RBMS3: variants seen among roughly 807,000 people sequenced by gnomAD.
The protein encoded by RBMS3 is RNA binding motif single stranded interacting protein 3, also known as RNA-binding motif, single-stranded-interacting protein 3.
Under a neutral mutation model 66.8 loss-of-function variants are expected in RBMS3, and 27 were observed. The observed-to-expected ratio is 0.40, with a 90% CI of 0.30 to 0.56. The LOEUF (loss-of-function observed/expected upper bound fraction) is 0.56, where lower values mean the gene tolerates loss of function less well. RBMS3 is among the 20% of genes least tolerant of loss of function. RBMS3 has a pLI of 0.40. For missense variants in RBMS3, 513 were observed against 549.5 expected, an observed-to-expected ratio of 0.93 and a Z score of 0.66; for synonymous variants, 188 against 183.0, an observed-to-expected ratio of 1.03 and a Z score of -0.22.
At chr3:29,371,189 T>A (rs901224502) in intron 1 of RBMS3, among the ~76,000 whole-genome samples, 8 of 152,228 alleles carry the variant, frequency 5.3e-5, no homozygotes, top group African/African-American at 1.9e-4. Context: ...ACCTGTGGTT[T>A]CTGCCACCCA....
intron 4 of RBMS3, 35 bp downstream of exon 4, chr3:29,587,240 TTTTTTTTTTG>T (rs1478879390): frequency 7.1e-6 from 6 of 842,256 alleles, no homozygotes; most frequent in Non-Finnish European, 9.8e-6. Context: ...TTTTTTTTTT[TTTTTTTTTTG>T]TGTGTGTGTG....
At chr3:29,331,751 C>A (rs2035671070) in intron 1 of RBMS3, among the ~76,000 whole-genome samples, 1 of 147,414 alleles carries the variant, frequency 6.8e-6, no homozygotes, top group African/African-American at 2.5e-5. Flanking sequence ...TTCACAGGGG[C>A]TTGTCCATAA....
intron 3 of RBMS3, among the ~76,000 whole-genome samples, chr3:29,558,287 T>C (rs1038989409): frequency 6.6e-6 from 1 of 151,604 alleles, no homozygotes; most frequent in Admixed American, 6.6e-5. Context: ...ACAGAAGTAG[T>C]AATTAAAGAT....
At chr3:29,781,132 C>T (rs1443326664) in intron 6 of RBMS3, among the ~76,000 whole-genome samples, 1 of 135,772 alleles carries the variant, frequency 7.4e-6, no homozygotes, top group Non-Finnish European at 1.6e-5. Flanking sequence ...GAGAATAGTT[C>T]TTAAAATCTC....
chr3:29,959,095 A>G (rs1030303618), intron 12 of RBMS3, among the ~76,000 whole-genome samples: 1 of 152,192 alleles, frequency 6.6e-6, no homozygotes, highest in Non-Finnish European at 1.5e-5. Context: ...AATGAATACA[A>G]GTTTTGAACA....
chr3:29,608,780 C>G (rs576455450), intron 4 of RBMS3, among the ~76,000 whole-genome samples: 2 of 152,092 alleles, frequency 1.3e-5, no homozygotes, highest in Admixed American at 6.6e-5. Context: ...GCAAGAGATC[C>G]AAATAGTCCC....
intron 2 of RBMS3, among the ~76,000 whole-genome samples, chr3:29,439,676 C>T (rs1458901775): frequency 2.0e-5 from 3 of 151,736 alleles, no homozygotes; most frequent in Non-Finnish European, 4.4e-5. Context: ...GTTACACATG[C>T]ATACATGTGC....
At chr3:29,997,704 G>C (rs915924339) in intron 14 of RBMS3, among the ~76,000 whole-genome samples, 2 of 151,848 alleles carry the variant, frequency 1.3e-5, no homozygotes, top group Admixed American at 6.6e-5. Flanking sequence ...AAAAGCCTTT[G>C]ACAAAATTCA....
chr3:29,659,308 C>A (rs2050443455), intron 4 of RBMS3, among the ~76,000 whole-genome samples: 1 of 152,028 alleles, frequency 6.6e-6, no homozygotes, highest in South Asian at 2.1e-4. Flanking sequence ...TGTTGTGCAA[C>A]CATTAACACT....
chr3:29,700,394 T>C (rs1364389570), intron 4 of RBMS3, among the ~76,000 whole-genome samples: 1 of 152,226 alleles, frequency 6.6e-6, no homozygotes, highest in Non-Finnish European at 1.5e-5. Flanking sequence ...AGGCAGGTTG[T>C]AGAACATGAG....
At chr3:29,649,406 T>A (rs1576437321) in intron 4 of RBMS3, among the ~76,000 whole-genome samples, 1 of 152,326 alleles carries the variant, frequency 6.6e-6, no homozygotes, top group East Asian at 1.9e-4. Context: ...CATGACATTT[T>A]AAAAAACTCA....
At chr3:29,497,130 C>A (rs1283210331) in intron 3 of RBMS3, among the ~76,000 whole-genome samples, 1 of 152,008 alleles carries the variant, frequency 6.6e-6, no homozygotes, top group African/African-American at 2.4e-5. Flanking sequence ...CTGCCTTAGC[C>A]TCTCAGGTAG....
At chr3:29,325,908 T>C (rs2035308466) in intron 1 of RBMS3, among the ~76,000 whole-genome samples, 1 of 152,208 alleles carries the variant, frequency 6.6e-6, no homozygotes, top group South Asian at 2.1e-4. Flanking sequence ...ATTCTTCTCC[T>C]GTGCTATAGA....
At chr3:29,710,920 G>A (rs2053135745) in intron 4 of RBMS3, among the ~76,000 whole-genome samples, 1 of 152,090 alleles carries the variant, frequency 6.6e-6, no homozygotes, top group Non-Finnish European at 1.5e-5. Flanking sequence ...CATGCCAAGA[G>A]ACATTAGTTC....
At chr3:29,737,658 G>C (rs568369686) in intron 4 of RBMS3, among the ~76,000 whole-genome samples, 3 of 152,000 alleles carry the variant, frequency 2.0e-5, no homozygotes, top group Non-Finnish European at 4.4e-5. Context: ...CGTAGATAAG[G>C]TTCATTATTA....
intron 6 of RBMS3, among the ~76,000 whole-genome samples, chr3:29,834,671 C>G (rs770868196): frequency 6.6e-6 from 1 of 151,886 alleles, no homozygotes; most frequent in Non-Finnish European, 1.5e-5. Flanking sequence ...AAGCGTACCA[C>G]TATAGAAAAG....
intron 4 of RBMS3, among the ~76,000 whole-genome samples, chr3:29,615,587 A>C (rs2048642739): frequency 6.6e-6 from 1 of 152,182 alleles, no homozygotes; most frequent in South Asian, 2.1e-4. Context: ...CAATAAAAAG[A>C]TGTATTTTAA....
chr3:29,613,493 A>G (rs888930542), intron 4 of RBMS3, among the ~76,000 whole-genome samples: 13 of 152,260 alleles, frequency 8.5e-5, no homozygotes, highest in Non-Finnish European at 8.8e-5. Context: ...AGCCTGGCTC[A>G]GTTGAAACAC....
chr3:29,712,275 A>C (rs2053204162), intron 4 of RBMS3, among the ~76,000 whole-genome samples: 1 of 151,960 alleles, frequency 6.6e-6, no homozygotes, highest in Non-Finnish European at 1.5e-5. Flanking sequence ...TTTCTGGGAA[A>C]GATTTGTATT....
Sources: gnomAD v4.1 joint callset for allele counts (sites outside exome capture counted in the v4.1 genomes callset) on GRCh38, gnomAD v4.1.1 for gene constraint, MANE v1.5 for transcripts, NCBI Gene and HGNC (gene_info 2026-07-23, HGNC 2026-07-21) for gene names.